The following MGAT4C variants were observed in gnomAD, a reference collection of about 807,000 sequenced individuals.
MGAT4C encodes alpha-1,3-mannosyl-glycoprotein 4-beta-N-acetylglucosaminyltransferase C.
A neutral mutation model predicts 40.1 loss-of-function variants in MGAT4C; 19 were observed. That is an observed-to-expected ratio of 0.47 (90% confidence interval 0.33 to 0.70). The LOEUF (loss-of-function observed/expected upper bound fraction) is 0.70, where lower values mean the gene tolerates loss of function less well. Ranked by LOEUF, MGAT4C falls within the 30% of genes least tolerant of loss-of-function variation. MGAT4C has a pLI of 0.02. For synonymous variants in MGAT4C, 181 were observed against 187.1 expected (o/e 0.97, Z 0.27); for missense variants, 491 against 563.2 (o/e 0.87, Z 1.30).
chr12:86,427,218 C>T (rs1956945055), intron 3 of MGAT4C, among the ~76,000 whole-genome samples: 1 of 152,084 alleles, frequency 6.6e-6, no homozygotes. Context: ...TTCCATTCTA[C>T]ATTTACACAT....
At chr12:86,718,191 T>C (rs1950678792) in intron 2 of MGAT4C, among the ~76,000 whole-genome samples, 1 of 152,192 alleles carries the variant, frequency 6.6e-6, no homozygotes, top group South Asian at 2.1e-4. Context: ...ATCTAAACCA[T>C]GATGGTAAAA....
chr12:86,257,161 T>C (rs1383128105), upstream of MGAT4C, among the ~76,000 whole-genome samples: 2 of 152,208 alleles, frequency 1.3e-5, no homozygotes, highest in African/African-American at 4.8e-5. Context: ...GCTGTTCTTT[T>C]TGAGCACACA....
chr12:86,767,131 T>G (rs1054207959), intron 1 of MGAT4C, among the ~76,000 whole-genome samples: 4 of 151,562 alleles, frequency 2.6e-5, no homozygotes, highest in Non-Finnish European at 1.5e-5. Flanking sequence ...GCAAGATTAA[T>G]AAAGAAAAAA....
At chr12:86,663,621 T>C (rs1565911661) in intron 2 of MGAT4C, among the ~76,000 whole-genome samples, 1 of 152,148 alleles carries the variant, frequency 6.6e-6, no homozygotes, top group Non-Finnish European at 1.5e-5. Context: ...TAAACTATTC[T>C]TGTCTATATT....
chr12:85,988,083 A>G (rs969720993), intron 3 of MGAT4C, among the ~76,000 whole-genome samples: 3 of 152,216 alleles, frequency 2.0e-5, no homozygotes, highest in Admixed American at 6.5e-5. Flanking sequence ...GCATAACATT[A>G]GTATGTTTCT....
chr12:86,809,211 G>A (rs1441771609), intron 1 of MGAT4C, among the ~76,000 whole-genome samples: 1 of 151,980 alleles, frequency 6.6e-6, no homozygotes, highest in Non-Finnish European at 1.5e-5. Flanking sequence ...ATCCTTTCAA[G>A]ATTCATCTGA....
intron 1 of MGAT4C, among the ~76,000 whole-genome samples, chr12:86,830,579 T>G (rs1197108574): frequency 6.6e-6 from 1 of 151,950 alleles, no homozygotes; most frequent in East Asian, 1.9e-4. Context: ...CCCAAGCAAC[T>G]GCCAACTCTA....
intron 1 of MGAT4C, among the ~76,000 whole-genome samples, chr12:86,138,971 T>A (rs1347444059): frequency 1.3e-5 from 2 of 152,010 alleles, no homozygotes; most frequent in East Asian, 3.9e-4. Context: ...AGATCACGTG[T>A]GAAAGGCCAC....
At chr12:86,161,749 C>T (rs1358179359) in intron 1 of MGAT4C, among the ~76,000 whole-genome samples, 1 of 152,086 alleles carries the variant, frequency 6.6e-6, no homozygotes, top group Non-Finnish European at 1.5e-5. Flanking sequence ...TATTTGCAAA[C>T]TAGGCATTCG....
At chr12:86,790,000 T>TGTC (rs1951996449) in intron 1 of MGAT4C, among the ~76,000 whole-genome samples, 2 of 152,242 alleles carry the variant, frequency 1.3e-5, no homozygotes, top group African/African-American at 4.8e-5. Flanking sequence ...TATAATGTGG[T>TGTC]GTCATTCATT....
chr12:86,395,370 C>T (rs1247113937), intron 3 of MGAT4C, among the ~76,000 whole-genome samples: 1 of 151,930 alleles, frequency 6.6e-6, no homozygotes, highest in Admixed American at 6.6e-5. Flanking sequence ...TTAGAGCATT[C>T]ACAGGGAAAA....
chr12:86,787,339 G>A (rs201583371), intron 1 of MGAT4C, among the ~76,000 whole-genome samples: 1 of 16,456 alleles, frequency 6.1e-5, no homozygotes, highest in Non-Finnish European at 4.8e-4. Flanking sequence ...TTATGACTGA[G>A]TAGTATTCAA....
chr12:86,647,219 G>A (rs1259034847), intron 2 of MGAT4C, among the ~76,000 whole-genome samples: 1 of 151,900 alleles, frequency 6.6e-6, no homozygotes, highest in Non-Finnish European at 1.5e-5. Context: ...AAAGAATCAT[G>A]AGGAATTATA....
chr12:86,613,634 A>G (rs1962355324), intron 2 of MGAT4C, among the ~76,000 whole-genome samples: 3 of 152,150 alleles, frequency 2.0e-5, no homozygotes, highest in Admixed American at 2.0e-4. Flanking sequence ...CAACATTTTA[A>G]CTAATAATAT....
intron 4 of MGAT4C, among the ~76,000 whole-genome samples, chr12:86,332,197 A>T (rs992193548): frequency 6.6e-6 from 1 of 152,270 alleles, no homozygotes; most frequent in Middle Eastern, 3.4e-3. Flanking sequence ...TACCCACAGT[A>T]AAGACTTTTG....
At chr12:86,275,572 G>A (rs780938572) in intron 4 of MGAT4C, among the ~76,000 whole-genome samples, 6 of 152,150 alleles carry the variant, frequency 3.9e-5, no homozygotes, top group Non-Finnish European at 5.9e-5. Context: ...GAGATGGAGA[G>A]ATTATACAAA....
rs1172273499 is a variant in MGAT4C at position 85,976,186 on chromosome 12, T to C, written c.*3103A>G. On this transcript the variant is annotated 3_prime_UTR_variant, in exon 5 of 5. Transcript: ENST00000611864. ...ACTGGCCCAGTAAGAAATGGAATGTTCACAACTCATAGTGTAGCTATATGA... is the reference window on the plus strand; with the variant it reads ...ACTGGCCCAGTAAGAAATGGAATGTCCACAACTCATAGTGTAGCTATATGA... 6.6e-6 allele frequency: 1 copy of C among 150,454 alleles called. No individual in the cohort carries two copies. Among genetic ancestry groups the C allele is most frequent in the Non-Finnish European group, 1.5e-5 (1 of 67,106 alleles). The allele number at this position is 150,454 out of a possible 1,614,324, so 9.3% of individuals were successfully genotyped here. A position where few individuals can be genotyped will look rare whatever the true frequency, so the allele number is the denominator to read the frequency against.
intron 1 of MGAT4C, among the ~76,000 whole-genome samples, chr12:86,096,417 C>A (rs968321282): frequency 6.8e-6 from 1 of 146,784 alleles, no homozygotes; most frequent in African/African-American, 2.6e-5. Flanking sequence ...CCCCTCCCCT[C>A]CCCTTCCCTT....
chr12:86,540,156 T>A (rs1369209763), intron 2 of MGAT4C, among the ~76,000 whole-genome samples: 3 of 152,194 alleles, frequency 2.0e-5, no homozygotes, highest in Non-Finnish European at 4.4e-5. Flanking sequence ...TGGTTTTAGG[T>A]CTAACATTTA....
Sources: gnomAD v4.1 joint callset for allele counts (sites outside exome capture counted in the v4.1 genomes callset) on GRCh38, gnomAD v4.1.1 for gene constraint, MANE v1.5 for transcripts, NCBI Gene and HGNC (gene_info 2026-07-23, HGNC 2026-07-21) for gene names.